The following GRIA4 variants were observed in gnomAD, a reference collection of about 807,000 sequenced individuals.
GRIA4 encodes the protein glutamate receptor 4.
A neutral mutation model predicts 104.0 loss-of-function variants in GRIA4; 34 were observed. That is an observed-to-expected ratio of 0.33 (90% confidence interval 0.25 to 0.44). The LOEUF (loss-of-function observed/expected upper bound fraction) is 0.44, where lower values mean the gene tolerates loss of function less well. GRIA4 is among the 20% of genes least tolerant of loss of function. The pLI is 1.00. For synonymous variants in GRIA4, 386 were observed against 381.9 expected (o/e 1.01, Z -0.13); for missense variants, 750 against 1,096.5 (o/e 0.68, Z 4.46).
At chr11:105,701,925 C>A (rs1953508664) in intron 3 of GRIA4, among the ~76,000 whole-genome samples, 1 of 152,050 alleles carries the variant, frequency 6.6e-6, no homozygotes, top group African/African-American at 2.4e-5. Context: ...ATATTTTTCT[C>A]TAGCCACTTG....
intron 4 of GRIA4, among the ~76,000 whole-genome samples, chr11:105,787,472 C>CCT (rs1942020577): frequency 1.0e-5 from 1 of 98,622 alleles, no homozygotes. Flanking sequence ...TAAAGAATTC[C>CCT]TTTTTTTTTT....
chr11:105,657,687 G>T (rs1487708585), intron 3 of GRIA4, among the ~76,000 whole-genome samples: 1 of 151,922 alleles, frequency 6.6e-6, no homozygotes, highest in African/African-American at 2.4e-5. Context: ...GTCTCTGATT[G>T]CTACAACACT....
At chr11:105,822,076 A>G (rs1943593845) in intron 4 of GRIA4, among the ~76,000 whole-genome samples, 1 of 152,188 alleles carries the variant, frequency 6.6e-6, no homozygotes, top group African/African-American at 2.4e-5. Flanking sequence ...TGAAATGCTT[A>G]GCTTTAAGCC....
chr11:105,728,102 C>G (rs1938336433), intron 3 of GRIA4, among the ~76,000 whole-genome samples: 1 of 152,140 alleles, frequency 6.6e-6, no homozygotes, highest in Non-Finnish European at 1.5e-5. Flanking sequence ...GAATCAAGAC[C>G]TATCAGTGTG....
At chr11:105,702,719 C>T (rs1448441004) in intron 3 of GRIA4, among the ~76,000 whole-genome samples, 4 of 86,272 alleles carry the variant, frequency 4.6e-5, no homozygotes, top group African/African-American at 1.8e-4. Context: ...TTTTTTGAGA[C>T]AGAATCACTC....
chr11:105,846,120 G>T (rs942655157), intron 4 of GRIA4, among the ~76,000 whole-genome samples: 3 of 152,016 alleles, frequency 2.0e-5, no homozygotes, highest in African/African-American at 7.2e-5. Flanking sequence ...TTAATAATAA[G>T]AAAAATTTCC....
chr11:105,653,999 C>CAAAAAA, intron 3 of GRIA4, among the ~76,000 whole-genome samples: 30 of 50,286 alleles, frequency 6.0e-4, no homozygotes, highest in East Asian at 7.7e-4. Flanking sequence ...ACTATTTAGC[C>CAAAAAA]AAAAAAAAAA....
chr11:105,819,650 G>C (rs1201729073), intron 4 of GRIA4, among the ~76,000 whole-genome samples: 1 of 151,070 alleles, frequency 6.6e-6, no homozygotes, highest in African/African-American at 2.5e-5. Context: ...AGGGGGTAAG[G>C]GTAGATAAAA....
intron 3 of GRIA4, among the ~76,000 whole-genome samples, chr11:105,616,974 G>A (rs1465026401): frequency 6.6e-6 from 1 of 151,154 alleles, no homozygotes; most frequent in Non-Finnish European, 1.5e-5. Context: ...TGCATAATTT[G>A]TATATATTTG....
At chr11:105,862,916 C>A (rs567012410) in intron 5 of GRIA4, among the ~76,000 whole-genome samples, 1 of 152,270 alleles carries the variant, frequency 6.6e-6, no homozygotes, top group South Asian at 2.1e-4. Flanking sequence ...CCTACCCCTG[C>A]AGATCATGAT....
intron 3 of GRIA4, among the ~76,000 whole-genome samples, chr11:105,637,326 T>A (rs1250964283): frequency 1.3e-5 from 2 of 152,210 alleles, no homozygotes; most frequent in Non-Finnish European, 2.9e-5. Context: ...TATACAATTT[T>A]ATTATAATAT....
At chr11:105,667,410 G>A (rs1952198823) in intron 3 of GRIA4, among the ~76,000 whole-genome samples, 2 of 151,894 alleles carry the variant, frequency 1.3e-5, no homozygotes, top group African/African-American at 4.8e-5. Context: ...AAATGGTTTT[G>A]AAAAATAGCT....
intron 3 of GRIA4, among the ~76,000 whole-genome samples, chr11:105,640,740 A>C (rs1190895847): frequency 6.6e-6 from 1 of 152,002 alleles, no homozygotes; most frequent in African/African-American, 2.4e-5. Context: ...AAATGGACAT[A>C]TGTGTCCACA....
chr11:105,892,935 C>G (rs1003347604), intron 6 of GRIA4, among the ~76,000 whole-genome samples: 1 of 151,978 alleles, frequency 6.6e-6, no homozygotes, highest in African/African-American at 2.4e-5. Flanking sequence ...TTAAGTAGAA[C>G]TTAAAGAATA....
intron 4 of GRIA4, among the ~76,000 whole-genome samples, chr11:105,852,778 A>G (rs1591351852): frequency 6.7e-6 from 1 of 149,974 alleles, no homozygotes; most frequent in Non-Finnish European, 1.5e-5. Context: ...TTTTCCTGCT[A>G]GGAACAGAAA....
chr11:105,916,812 C>T (rs1346862736), intron 10 of GRIA4, among the ~76,000 whole-genome samples: 2 of 152,150 alleles, frequency 1.3e-5, no homozygotes, highest in Non-Finnish European at 2.9e-5. Context: ...GGAGCCTTTG[C>T]TATACCCCTT....
intron 14 of GRIA4, among the ~76,000 whole-genome samples, chr11:105,967,177 A>C (rs577477155): frequency 9.7e-3 from 9 of 924 alleles, no homozygotes; most frequent in East Asian, 0.038. Flanking sequence ...TTTAGTTTTC[A>C]AATTTTTATT....
intron 3 of GRIA4, among the ~76,000 whole-genome samples, chr11:105,660,277 G>T (rs1281245065): frequency 6.6e-6 from 1 of 151,690 alleles, no homozygotes; most frequent in Non-Finnish European, 1.5e-5. Flanking sequence ...AAAGGATAAA[G>T]AGCAGGTGCT....
intron 14 of GRIA4, among the ~76,000 whole-genome samples, chr11:105,950,885 C>T (rs766765427): frequency 6.6e-6 from 1 of 152,038 alleles, no homozygotes; most frequent in African/African-American, 2.4e-5. Context: ...TTTAGCTATA[C>T]AGGGAAGAGT....
Sources: allele counts gnomAD v4.1 joint callset (sites outside exome capture counted in the v4.1 genomes callset), GRCh38; gene constraint gnomAD v4.1.1; transcripts MANE v1.5; gene names NCBI Gene and HGNC (gene_info 2026-07-23, HGNC 2026-07-21).